GRM7: variants seen among roughly 807,000 people sequenced by gnomAD.
GRM7 encodes the protein glutamate metabotropic receptor 7.
GRM7 carries 35 observed loss-of-function variants against 84.5 expected under a neutral mutation model. The ratio of observed to expected loss-of-function variants is 0.41; its 90% confidence interval spans 0.32 to 0.55. The LOEUF is 0.55. GRM7 is among the 20% of genes least tolerant of loss of function. GRM7 has a pLI of 0.19. For synonymous variants in GRM7, 487 were observed against 455.1 expected, an observed-to-expected ratio of 1.07 and a Z score of -0.89; for missense variants, 1,003 against 1,194.6, an observed-to-expected ratio of 0.84 and a Z score of 2.36.
At chr3:7,655,006 T>G (rs1699116173) in intron 8 of GRM7, among the ~76,000 whole-genome samples, 6 of 152,158 alleles carry the variant, frequency 3.9e-5, no homozygotes, top group Admixed American at 3.9e-4. Flanking sequence ...CTTAACGGTG[T>G]CCTCAATTGT....
chr3:7,412,074 T>C (rs1695963604), intron 4 of GRM7, among the ~76,000 whole-genome samples: 1 of 151,904 alleles, frequency 6.6e-6, no homozygotes, highest in Non-Finnish European at 1.5e-5. Context: ...TCATTTCCTT[T>C]TGTTCTTTTT....
chr3:7,483,702 C>G (rs1699217275), intron 7 of GRM7, among the ~76,000 whole-genome samples: 1 of 152,032 alleles, frequency 6.6e-6, no homozygotes. Context: ...GTGAAAGCAA[C>G]TGCAAGAAAG....
chr3:7,261,902 C>CTCCCTCCCTCCGTTCCTCCCTTCCT (rs1698438824), intron 2 of GRM7, among the ~76,000 whole-genome samples: 1 of 82,852 alleles, frequency 1.2e-5, no homozygotes, highest in African/African-American at 5.2e-5. Flanking sequence ...CCCTCCCTCC[C>CTCCCTCCCTCCGTTCCTCCCTTCCT]TCCCTCCCTC....
intron 2 of GRM7, among the ~76,000 whole-genome samples, chr3:7,211,652 C>CAAAAAAAAAAAAAAAAA (rs370634134): frequency 1.6e-5 from 2 of 122,710 alleles, no homozygotes; most frequent in African/African-American, 6.7e-5. Context: ...TTCTCCCAAC[C>CAAAAAAAAAAAAAAAAA]AAAAAAAAAA....
intron 2 of GRM7, among the ~76,000 whole-genome samples, chr3:7,281,806 C>T (rs1242227440): frequency 2.0e-5 from 3 of 152,142 alleles, no homozygotes; most frequent in Admixed American, 1.3e-4. Flanking sequence ...AATGGCGGGG[C>T]GCAGTGGCTC....
At chr3:7,548,398 G>A (rs888152450) in intron 7 of GRM7, among the ~76,000 whole-genome samples, 2 of 152,220 alleles carry the variant, frequency 1.3e-5, no homozygotes, top group African/African-American at 2.4e-5. Flanking sequence ...GCAGGTGCTA[G>A]TGCCCTGCTT....
intron 2 of GRM7, among the ~76,000 whole-genome samples, chr3:7,231,482 A>G (rs1575061208): frequency 6.6e-6 from 1 of 152,174 alleles, no homozygotes; most frequent in Non-Finnish European, 1.5e-5. Flanking sequence ...CAGAAACACA[A>G]TCTATATTGG....
Position 7,641,712 on chromosome 3 carries a change from G to A in GRM7, c.2452-38337G>A, listed in dbSNP as rs536417562. Among the ~76,000 whole-genome samples, 8 of 152,172 alleles carry A rather than the reference G, an allele frequency of 5.3e-5. No individual in the cohort carries two copies. In the East Asian group the frequency reaches 5.8e-4, roughly 11 times the overall value. ...GAAGAGATAATAAGGAAAATAATAC[G>A]CAATGATGTGACTACATAACAACAT... On this transcript the variant is annotated intron_variant, in intron 8 of 9. Coordinates refer to ENST00000357716, the MANE Select transcript of GRM7 (RefSeq NM_000844.4).
At chr3:7,142,115 G>A (rs2125063272) in intron 1 of GRM7, among the ~76,000 whole-genome samples, 1 of 152,064 alleles carries the variant, frequency 6.6e-6, no homozygotes, top group South Asian at 2.1e-4. Context: ...AACAATGAAT[G>A]TTAGGCTTAG....
chr3:7,113,317 G>A (rs1253580140), intron 1 of GRM7, among the ~76,000 whole-genome samples: 2 of 152,098 alleles, frequency 1.3e-5, no homozygotes, highest in African/African-American at 4.8e-5. Flanking sequence ...CAGAAAAATT[G>A]AGCAGAAAGT....
chr3:6,971,968 A>G (rs964132074), intron 1 of GRM7, among the ~76,000 whole-genome samples: 1 of 152,184 alleles, frequency 6.6e-6, no homozygotes, highest in Non-Finnish European at 1.5e-5. Flanking sequence ...CATTTTAGAA[A>G]TAATAATAGC....
intron 4 of GRM7, among the ~76,000 whole-genome samples, chr3:7,372,742 C>T (rs1694192536): frequency 6.6e-6 from 1 of 151,950 alleles, no homozygotes; most frequent in Non-Finnish European, 1.5e-5. Flanking sequence ...TTATTTTAAG[C>T]CATGTTATAT....
At chr3:7,138,254 T>C (rs1458244544) in intron 1 of GRM7, among the ~76,000 whole-genome samples, 1 of 152,026 alleles carries the variant, frequency 6.6e-6, no homozygotes, top group African/African-American at 2.4e-5. Flanking sequence ...AGATCAGTTA[T>C]GCAAATATAT....
intron 7 of GRM7, among the ~76,000 whole-genome samples, chr3:7,467,716 G>A (rs983121519): frequency 3.3e-5 from 5 of 152,114 alleles, no homozygotes; most frequent in African/African-American, 1.2e-4. Flanking sequence ...CATTTATAAT[G>A]CTCTCTGGAT....
chr3:6,908,493 GA>G (rs1273882136), intron 1 of GRM7, among the ~76,000 whole-genome samples: 40 of 152,298 alleles, frequency 2.6e-4, no homozygotes, highest in African/African-American at 9.4e-4. Flanking sequence ...CTGAGGTTCA[GA>G]GAGGCTACAT....
At chr3:7,533,189 A>G (rs1367019074) in intron 7 of GRM7, among the ~76,000 whole-genome samples, 1 of 152,164 alleles carries the variant, frequency 6.6e-6, no homozygotes, top group East Asian at 1.9e-4. Context: ...TCAAAAGAAT[A>G]TACATTCTTC....
At chr3:6,961,307 A>G (rs1262718064) in intron 1 of GRM7, among the ~76,000 whole-genome samples, 1 of 152,196 alleles carries the variant, frequency 6.6e-6, no homozygotes, top group East Asian at 1.9e-4. Flanking sequence ...AACCCTGTCA[A>G]TTCCACCTTA....
At chr3:7,258,486 G>T (rs1335005050) in intron 2 of GRM7, among the ~76,000 whole-genome samples, 2 of 152,160 alleles carry the variant, frequency 1.3e-5, no homozygotes, top group Non-Finnish European at 2.9e-5. Flanking sequence ...ACACATCTTT[G>T]TTAAAGAGAT....
At chr3:7,091,218 AAAAAAAG>A (rs1269093019) in intron 1 of GRM7, among the ~76,000 whole-genome samples, 1 of 151,812 alleles carries the variant, frequency 6.6e-6, no homozygotes, top group Non-Finnish European at 1.5e-5. Flanking sequence ...TACCAAAAAA[AAAAAAAG>A]AAAAAAGAAA....
Sources: allele counts gnomAD v4.1 joint callset (sites outside exome capture counted in the v4.1 genomes callset), GRCh38; gene constraint gnomAD v4.1.1; transcripts MANE v1.5; gene names NCBI Gene and HGNC (gene_info 2026-07-23, HGNC 2026-07-21).